TUT7: variants seen among roughly 807,000 people sequenced by gnomAD.
The protein encoded by TUT7 is terminal uridylyltransferase 7.
TUT7 carries 33 observed loss-of-function variants against 165.9 expected under a neutral mutation model. The observed-to-expected ratio is 0.20, with a 90% CI of 0.15 to 0.27. The LOEUF (loss-of-function observed/expected upper bound fraction) is 0.27, where lower values mean the gene tolerates loss of function less well. Among genes scored for constraint, TUT7 ranks in the 10% least tolerant of loss-of-function variants. The pLI, the probability that TUT7 is intolerant of heterozygous loss-of-function variation, is 1.00. For missense variants in TUT7, 1,338 were observed against 1,762.3 expected (o/e 0.76, Z 4.31); for synonymous variants, 552 against 608.1 (o/e 0.91, Z 1.36).
chr9:86,302,573 C>G (rs1827033547), intron 25 of TUT7, among the ~76,000 whole-genome samples: 1 of 151,578 alleles, frequency 6.6e-6, no homozygotes, highest in Non-Finnish European at 1.5e-5. Flanking sequence ...CTGCCTTGGC[C>G]TCCCAAAGTG....
At chr9:86,346,210 A>G in intron 3 of TUT7, 89 bp downstream of exon 3, 1 of 1,238,974 alleles carries the variant, frequency 8.1e-7, no homozygotes, top group South Asian at 1.5e-5. Context: ...TAGGATATCT[A>G]ATTGATCAGA....
In TUT7 at chr9:86,291,520, C is replaced by T. The variant is rs368406801; in HGVS notation, c.4421-2776G>A. On this transcript the variant is annotated intron_variant, in intron 26 of 26. Transcript: ENST00000375963. ...CCAGGAGGCAGACGTTGTGGTGAGCCGAGATTGTGCCATTGCACTCCAGCC... is the reference window on the plus strand; with the variant it reads ...CCAGGAGGCAGACGTTGTGGTGAGCTGAGATTGTGCCATTGCACTCCAGCC... Among the ~76,000 whole-genome samples the T allele has an allele frequency of 5.1e-4, 75 of 146,856 alleles. No homozygotes were observed. The East Asian group carries it at 0.011, about 22-fold the overall frequency.
At position 86,323,305 on chromosome 9, in the gene TUT7, T is replaced by C; in HGVS notation, c.2445A>G (p.Glu815=). Residue 815 remains glutamate, a synonymous_variant, in exon 13 of 27, where the codon GAA becomes GAG. Transcript: ENST00000375963. ...TLDNKADLDG[E]STEGTEELED... Reference sequence around the variant, plus strand: ...CTAGTTCCTCAGTACCTTCTGTACTTTCTCCATCAAGATCAGCCTTGTTAT... The same window carrying C: ...CTAGTTCCTCAGTACCTTCTGTACTCTCTCCATCAAGATCAGCCTTGTTAT... 1.2e-6 allele frequency: 2 copies of C among 1,614,162 alleles called. No individual in the cohort carries two copies. The highest frequency in any genetic ancestry group is 4.5e-5 in the East Asian group (2 of 44,878).
chr9:86,322,583 G>T, intron 13 of TUT7, 108 bp from the exon 14 acceptor site: 11 of 1,371,504 alleles, frequency 8.0e-6, no homozygotes, highest in Non-Finnish European at 9.8e-6. Context: ...CTTTCCAAAG[G>T]AAATGAAAAT....
At chr9:86,327,930 G>A (rs1829944135) in intron 11 of TUT7, among the ~76,000 whole-genome samples, 1 of 152,128 alleles carries the variant, frequency 6.6e-6, no homozygotes, top group Non-Finnish European at 1.5e-5. Flanking sequence ...TTCTTTCCTT[G>A]TGCATAAATT....
intron 16 of TUT7, among the ~76,000 whole-genome samples, chr9:86,317,774 T>C (rs962880663): frequency 6.6e-5 from 10 of 152,160 alleles, no homozygotes; most frequent in African/African-American, 2.4e-4. Context: ...ATAACTAAAG[T>C]CATACAGCAA....
chr9:86,288,781 A>G, intron 26 of TUT7, 37 bp from the exon 27 acceptor site: 1 of 1,542,326 alleles, frequency 6.5e-7, no homozygotes, highest in Non-Finnish European at 8.9e-7. Flanking sequence ...AATATAAATG[A>G]AACAAGCCTC....
intron 10 of TUT7, among the ~76,000 whole-genome samples, chr9:86,334,505 C>T (rs1830595215): frequency 6.6e-6 from 1 of 152,206 alleles, no homozygotes; most frequent in Non-Finnish European, 1.5e-5. Context: ...TGGCCTTCTG[C>T]TCTGGTAAGC....
chr9:86,330,389 G>C (rs1387124033), intron 10 of TUT7, among the ~76,000 whole-genome samples: 1 of 152,134 alleles, frequency 6.6e-6, no homozygotes, highest in Non-Finnish European at 1.5e-5. Flanking sequence ...GTAACACCCA[G>C]AATTAGTTGG....
At chr9:86,312,098 G>A (rs1469483239) in intron 17 of TUT7, among the ~76,000 whole-genome samples, 1 of 152,054 alleles carries the variant, frequency 6.6e-6, no homozygotes, top group Non-Finnish European at 1.5e-5. Context: ...GGGATGTGAG[G>A]AGCCCCTCTG....
chr9:86,339,215 C>T (rs931714914), intron 8 of TUT7, among the ~76,000 whole-genome samples: 4 of 151,878 alleles, frequency 2.6e-5, no homozygotes, highest in African/African-American at 9.7e-5. Flanking sequence ...GGGGGAAATG[C>T]AAATAAGGAA....
At chr9:86,291,914 T>C (rs1230292670) in intron 26 of TUT7, among the ~76,000 whole-genome samples, 4 of 152,208 alleles carry the variant, frequency 2.6e-5, no homozygotes, top group Non-Finnish European at 5.9e-5. Flanking sequence ...ATAGCACTGT[T>C]AATAACAGCA....
In TUT7 at chr9:86,330,608, T is replaced by C. The variant is rs186830438; in HGVS notation, c.1456-2116A>G. Among the ~76,000 whole-genome samples, 13 of 152,354 alleles carry C rather than the reference T, an allele frequency of 8.5e-5. 1 individual carries two copies. The highest frequency in any genetic ancestry group is 3.1e-4 in the African/African-American group (13 of 41,584). Reference sequence around the variant, plus strand: ...AGTTTTAGAATTAGATAAAGTTTGATTTCTTAATGTTTTTCTTTATTGATT... The same window carrying C: ...AGTTTTAGAATTAGATAAAGTTTGACTTCTTAATGTTTTTCTTTATTGATT... On this transcript the variant is annotated intron_variant, in intron 10 of 26. Transcript: ENST00000375963.
intron 11 of TUT7, among the ~76,000 whole-genome samples, chr9:86,327,771 G>A (rs1829926276): frequency 6.6e-6 from 1 of 152,144 alleles, no homozygotes; most frequent in South Asian, 2.1e-4. Context: ...GCTGGGATTC[G>A]ATTCCAAGAA....
At chr9:86,317,627 T>C (rs1170618744) in intron 16 of TUT7, among the ~76,000 whole-genome samples, 3 of 152,176 alleles carry the variant, frequency 2.0e-5, no homozygotes, top group African/African-American at 7.2e-5. Context: ...TGTCCCAGAA[T>C]AAATGAGAGG....
intron 26 of TUT7, among the ~76,000 whole-genome samples, chr9:86,296,063 T>C (rs779303848): frequency 2.6e-5 from 4 of 152,234 alleles, no homozygotes; most frequent in Non-Finnish European, 4.4e-5. Context: ...TATTTGTTTG[T>C]CCTATAAGTT....
Position 86,288,679 on chromosome 9 carries a change from A to G in TUT7, c.4486T>C (p.Ter1496ArgextTer8). ...TAGAGTGCTGCATTTTCCTTCCCTC[A>G]TGATTCCTGCTGGGTCCTCTTCGCT... ...ASAKRTQQES[*>R] Residue 1496 changes from the stop codon to arginine, a stop_lost, in exon 27 of 27, where the codon TGA (stop) becomes CGA (arginine). Coordinates refer to ENST00000375963, the MANE Select transcript of TUT7 (RefSeq NM_024617.4). 2 of 1,613,714 alleles carry G rather than the reference A, an allele frequency of 1.2e-6. No homozygotes were observed. Among genetic ancestry groups the G allele is most frequent in the South Asian group, 1.1e-5 (1 of 91,036 alleles).
At chr9:86,317,876 G>C (rs578138753) in intron 16 of TUT7, among the ~76,000 whole-genome samples, 1 of 152,058 alleles carries the variant, frequency 6.6e-6, no homozygotes, top group Non-Finnish European at 1.5e-5. Flanking sequence ...CAGAACATAC[G>C]TGGAATGTTA....
chr9:86,336,471 G>C (rs1830791312), intron 10 of TUT7, among the ~76,000 whole-genome samples: 1 of 152,146 alleles, frequency 6.6e-6, no homozygotes, highest in South Asian at 2.1e-4. Context: ...TTCTAAGTGA[G>C]TTATTCTACT....
Sources: gnomAD v4.1 joint callset for allele counts (sites outside exome capture counted in the v4.1 genomes callset) on GRCh38, gnomAD v4.1.1 for gene constraint, MANE v1.5 for transcripts, NCBI Gene and HGNC (gene_info 2026-07-23, HGNC 2026-07-21) for gene names.